Variants in FGGY observed in about 807,000 individuals in gnomAD.
FGGY encodes the protein FGGY carbohydrate kinase domain containing, also known as FGGY carbohydrate kinase domain-containing protein.
FGGY carries 72 observed loss-of-function variants against 71.3 expected under a neutral mutation model. That is an observed-to-expected ratio of 1.01 (90% CI 0.84 to 1.23). The LOEUF is 1.23. Ranked by LOEUF, FGGY falls within the 50% of genes most tolerant of loss-of-function variation. The pLI is 0.00. For synonymous variants in FGGY, 251 were observed against 250.3 expected (o/e 1.00, Z -0.02); for missense variants, 668 against 682.3 (o/e 0.98, Z 0.23).
chr1:59,397,768 G>A (rs2061491571), intron 5 of FGGY, among the ~76,000 whole-genome samples: 1 of 152,116 alleles, frequency 6.6e-6, no homozygotes, highest in Admixed American at 6.5e-5. Context: ...CAGCTTACAC[G>A]GGACAGCATT....
At chr1:59,559,659 A>G (rs1383203466) in intron 8 of FGGY, among the ~76,000 whole-genome samples, 1 of 152,162 alleles carries the variant, frequency 6.6e-6, no homozygotes, top group African/African-American at 2.4e-5. Context: ...TAGGATTGGA[A>G]TAGGAAATAT....
chr1:59,759,712 G>A (rs1260105401), intron 15 of FGGY, among the ~76,000 whole-genome samples: 2 of 152,174 alleles, frequency 1.3e-5, no homozygotes, highest in Non-Finnish European at 2.9e-5. Flanking sequence ...TCATCTCATT[G>A]CCTAATAGAT....
At chr1:59,641,291 A>G (rs2097024086) in intron 11 of FGGY, 1 of 1,609,094 alleles carries the variant, frequency 6.2e-7, no homozygotes, top group South Asian at 1.1e-5. Flanking sequence ...GAACCACTGG[A>G]TATCTGTATA....
At chr1:59,484,998 T>C (rs751937161) in intron 6 of FGGY, among the ~76,000 whole-genome samples, 1 of 152,222 alleles carries the variant, frequency 6.6e-6, no homozygotes, top group South Asian at 2.1e-4. Flanking sequence ...ATCACACCCA[T>C]AGGGGGGATG....
At chr1:59,600,806 G>A (rs1398970361) in intron 8 of FGGY, among the ~76,000 whole-genome samples, 2 of 152,142 alleles carry the variant, frequency 1.3e-5, no homozygotes, top group Admixed American at 6.5e-5. Context: ...AAGTTTGTCA[G>A]ACTCCTAAGT....
At chr1:59,589,750 A>G (rs974418688) in intron 8 of FGGY, among the ~76,000 whole-genome samples, 22 of 152,206 alleles carry the variant, frequency 1.4e-4, no homozygotes, top group Admixed American at 8.5e-4. Flanking sequence ...GAGAACAAAG[A>G]CACAACATAC....
In FGGY at chr1:59,721,333, C is replaced by CTTTTTTTTTTT. The variant is rs1193468922; in HGVS notation, c.1513-36595_1513-36594insTTTTTTTTTTT. 2.9e-3 allele frequency among the ~76,000 whole-genome samples: 196 copies of CTTTTTTTTTTT among 68,422 alleles called. 1 individual carries two copies. Among genetic ancestry groups the CTTTTTTTTTTT allele is most frequent in the South Asian group, 4.2e-3 (7 of 1,676 alleles). 44.9% of individuals were successfully genotyped at this position (68,422 alleles called of 152,430 possible). ...ATACAGAGAGTTTTTCTTTTCTTTC[C>CTTTTTTTTTTT]TTTGTTTTTTTTTTTTTTTTTTTGA... On this transcript the variant is annotated intron_variant, in intron 14 of 15. Transcript: ENST00000303721.
At chr1:59,667,261 A>G (rs760829427) in intron 12 of FGGY, 22 bp from the exon 13 acceptor site, 7 of 1,613,824 alleles carry the variant, frequency 4.3e-6, no homozygotes, top group South Asian at 1.1e-5. Context: ...TACTGATGCT[A>G]TCTTCTGCTT....
At chr1:59,442,630 A>G (rs1257892103) in intron 5 of FGGY, among the ~76,000 whole-genome samples, 2 of 152,144 alleles carry the variant, frequency 1.3e-5, no homozygotes, top group East Asian at 1.9e-4. Flanking sequence ...TCAAAGGGAT[A>G]CTGTTCATGT....
chr1:59,739,566 C>G (rs2098131226), intron 14 of FGGY, among the ~76,000 whole-genome samples: 1 of 152,174 alleles, frequency 6.6e-6, no homozygotes, highest in African/African-American at 2.4e-5. Context: ...GCTAAACAGA[C>G]CTGTCTGATA....
intron 5 of FGGY, among the ~76,000 whole-genome samples, chr1:59,396,527 A>G (rs1299316149): frequency 6.6e-6 from 1 of 152,146 alleles, no homozygotes; most frequent in African/African-American, 2.4e-5. Flanking sequence ...GTGCAGGGAT[A>G]ACAGAGAAAG....
At chr1:59,533,810 C>T (rs377131297) in intron 7 of FGGY, among the ~76,000 whole-genome samples, 2 of 152,270 alleles carry the variant, frequency 1.3e-5, no homozygotes, top group South Asian at 2.1e-4. Flanking sequence ...GAAAGGACAT[C>T]CACACCAAAA....
At chr1:59,447,837 T>A (rs916196514) in intron 5 of FGGY, among the ~76,000 whole-genome samples, 1 of 152,190 alleles carries the variant, frequency 6.6e-6, no homozygotes, top group Non-Finnish European at 1.5e-5. Context: ...GTCTCAGGTA[T>A]GTCTTTATCA....
chr1:59,360,585 A>T (rs2055300690), intron 4 of FGGY, among the ~76,000 whole-genome samples: 1 of 152,206 alleles, frequency 6.6e-6, no homozygotes. Flanking sequence ...TGTCTAAAAA[A>T]TTGTGTTGAT....
At chr1:59,483,055 G>A (rs1235981875) in intron 6 of FGGY, among the ~76,000 whole-genome samples, 1 of 152,092 alleles carries the variant, frequency 6.6e-6, no homozygotes, top group Non-Finnish European at 1.5e-5. Context: ...TTCCCAAGTG[G>A]TGGTTCCCAG....
At chr1:59,548,381 A>C (rs932271594) in intron 7 of FGGY, among the ~76,000 whole-genome samples, 1 of 152,152 alleles carries the variant, frequency 6.6e-6, no homozygotes, top group Non-Finnish European at 1.5e-5. Context: ...CGTATCTCCC[A>C]TTTATTGAGT....
chr1:59,670,853 A>C (rs2097371472), intron 13 of FGGY, among the ~76,000 whole-genome samples: 1 of 152,152 alleles, frequency 6.6e-6, no homozygotes, highest in African/African-American at 2.4e-5. Context: ...ACCTCCTTGT[A>C]CCCTGGTCAT....
At chr1:59,667,141 T>C in intron 12 of FGGY, 142 bp from the exon 13 acceptor site, 1 of 1,068,328 alleles carries the variant, frequency 9.4e-7, no homozygotes, top group Non-Finnish European at 1.4e-6. Flanking sequence ...ATAGACAACA[T>C]AATCTCTGTG....
intron 8 of FGGY, among the ~76,000 whole-genome samples, chr1:59,595,426 C>A (rs544709271): frequency 6.6e-6 from 1 of 152,292 alleles, no homozygotes; most frequent in East Asian, 1.9e-4. Context: ...CGCGGTGGCT[C>A]ATGCCTGTAA....
Sources: gnomAD v4.1 joint callset for allele counts (sites outside exome capture counted in the v4.1 genomes callset) on GRCh38, gnomAD v4.1.1 for gene constraint, MANE v1.5 for transcripts, NCBI Gene and HGNC (gene_info 2026-07-23, HGNC 2026-07-21) for gene names.